FZD7: variants seen among roughly 807,000 people sequenced by gnomAD.
The protein encoded by FZD7 is frizzled-7.
FZD7 carries 21 observed loss-of-function variants against 39.0 expected under a neutral mutation model. The ratio of observed to expected loss-of-function variants is 0.54; its 90% CI spans 0.38 to 0.78. The LOEUF (loss-of-function observed/expected upper bound fraction) is 0.78, where lower values mean the gene tolerates loss of function less well. Ranked by LOEUF, FZD7 falls within the 30% of genes least tolerant of loss-of-function variation. FZD7 has a pLI of 0.00. For missense variants in FZD7, 695 were observed against 805.0 expected (o/e 0.86, Z 1.65); for synonymous variants, 428 against 364.9 (o/e 1.17, Z -1.97).
At position 202,033,991 on chromosome 2, in the gene FZD7, G is replaced by A. The variant is rs1044385903; in HGVS notation, c.-657G>A. On this transcript the variant is annotated 5_prime_UTR_variant, in exon 1 of 1. The change creates a new upstream start codon in the 5' untranslated region. Transcript: ENST00000286201. The stretch of plus-strand genomic sequence containing the variant: ...CGAGCGCCTCGCGGTTTCGGACGCA[G>A]TGTGACTGGGTTTCCAAAAAGAACT... Among the ~76,000 whole-genome samples, 3 of 151,716 alleles carry A rather than the reference G, an allele frequency of 2.0e-5. No homozygotes were observed. The highest frequency in any genetic ancestry group is 1.3e-4 in the Admixed American group (2 of 15,232).
At position 202,035,555 on chromosome 2, in the gene FZD7, A is replaced by T; in HGVS notation, c.908A>T (p.His303Leu). 6.2e-7 allele frequency: 1 copy of T among 1,614,088 alleles called. No individual in the cohort carries two copies. The change falls in exon 1 of 1, where the codon CAC becomes CTC. Residue 303 changes from histidine (H) to leucine (L), a missense_variant. His to Leu is a moderately conservative substitution (Grantham distance 99). Transcript: ENST00000286201. ...TGCTACTTCATGGTGGCCGTGGCGC[A>T]CGTGGCCGGCTTCCTTCTAGAGGAC... ...SGCYFMVAVA[H>L]VAGFLLEDRA... is the part of the protein sequence containing the mutation.
rs768846215 is a variant in FZD7, at chr2:202,035,547, C to G, written c.900C>G (p.Ala300=). The G allele has an allele frequency of 5.0e-6, 8 of 1,614,030 alleles. No individual in the cohort carries two copies. The South Asian group carries it at 5.5e-5, about 11-fold the overall frequency. ...TGTCGGGCTGCTACTTCATGGTGGCCGTGGCGCACGTGGCCGGCTTCCTTC... is the reference window on the plus strand; with the variant it reads ...TGTCGGGCTGCTACTTCATGGTGGCGGTGGCGCACGTGGCCGGCTTCCTTC... The part of the protein sequence containing the change: ...IFLSGCYFMV[A]VAHVAGFLLE... Residue 300 remains alanine, a synonymous_variant, in exon 1 of 1, where the codon GCC becomes GCG. Coordinates refer to ENST00000286201, the MANE Select transcript of FZD7 (RefSeq NM_003507.2).
In FZD7 at chr2:202,036,412, G is replaced by C; in HGVS notation, c.*40G>C. The C allele has an allele frequency of 6.7e-7, 1 of 1,496,412 alleles. No individual in the cohort carries two copies. The highest frequency in any genetic ancestry group is 9.2e-7 in the Non-Finnish European group (1 of 1,091,900). The allele number at this position is 1,496,412 out of a possible 1,614,324, so 92.7% of individuals were successfully genotyped here. On this transcript the variant is annotated 3_prime_UTR_variant, in exon 1 of 1. Coordinates refer to ENST00000286201, the MANE Select transcript of FZD7 (RefSeq NM_003507.2). ...CCACCTTTCCCACCCCAGCCCTCTTGCAAGAGGAGAGGCACGGTAGGGAAA... is the reference window on the plus strand; with the variant it reads ...CCACCTTTCCCACCCCAGCCCTCTTCCAAGAGGAGAGGCACGGTAGGGAAA...
Position 202,034,547 on chromosome 2 carries a change from C to A in FZD7, c.-101C>A. ...GCCCGGCCCCGGCGCCGTGAGGACTCTCATGCGTCGGGCGCGGCGGCGCCT... is the reference window on the plus strand; with the variant it reads ...GCCCGGCCCCGGCGCCGTGAGGACTATCATGCGTCGGGCGCGGCGGCGCCT... On this transcript the variant is annotated 5_prime_UTR_variant, in exon 1 of 1. Transcript: ENST00000286201. 1.9e-6 allele frequency: 2 copies of A among 1,069,348 alleles called. No individual in the cohort carries two copies. The highest frequency in any genetic ancestry group is 2.6e-6 in the Non-Finnish European group (2 of 765,236). 66.2% of individuals were successfully genotyped at this position (1,069,348 alleles called of 1,614,324 possible).
At position 202,034,355 on chromosome 2, in the gene FZD7, C is replaced by A. The variant is rs1393193395; in HGVS notation, c.-293C>A. Among the ~76,000 whole-genome samples, 1 of 151,724 alleles carries A rather than the reference C, an allele frequency of 6.6e-6. No individual in the cohort carries two copies. Among genetic ancestry groups the A allele is most frequent in the Non-Finnish European group, 1.5e-5 (1 of 67,890 alleles). ...CTCCTCGCGGCGGAGGGAGCCGCAC[C>A]GTTACGTCCCCGCGGGGAGAGCGAG... On this transcript the variant is annotated 5_prime_UTR_variant, in exon 1 of 1. Coordinates refer to ENST00000286201, the MANE Select transcript of FZD7 (RefSeq NM_003507.2).
rs769422485 is a variant in FZD7, at chr2:202,035,097, C to T, written c.450C>T (p.Asn150=). Residue 150 remains asparagine, a synonymous_variant, in exon 1 of 1, where the codon AAC becomes AAT. Transcript: ENST00000286201. ...GGCCCGAGCGGCTGCGCTGCGAGAA[C>T]TTCCCGGTGCACGGTGCGGGCGAGA... ...FQWPERLRCE[N]FPVHGAGEIC... is the part of the protein sequence containing the mutation. 7.5e-6 allele frequency: 12 copies of T among 1,609,156 alleles called. No individual in the cohort carries two copies. In the East Asian group the frequency reaches 1.6e-4, roughly 21 times the overall value.
chr2:202,035,373 G>A lies in FZD7; in HGVS notation c.726G>A (p.Leu242=). 6.2e-6 allele frequency: 10 copies of A among 1,613,144 alleles called. No individual in the cohort carries two copies. Among genetic ancestry groups the A allele is most frequent in the Non-Finnish European group, 8.5e-6 (10 of 1,179,970 alleles). ...APCEPGRANG[L]MYFKEEERRF... Reference sequence around the variant, plus strand: ...GCGAACCGGGCCGTGCCAACGGCCTGATGTACTTTAAGGAGGAGGAGAGGC... The same window carrying A: ...GCGAACCGGGCCGTGCCAACGGCCTAATGTACTTTAAGGAGGAGGAGAGGC... Residue 242 remains leucine (L), a synonymous_variant, in exon 1 of 1, where the codon CTG becomes CTA. Coordinates refer to ENST00000286201, the MANE Select transcript of FZD7 (RefSeq NM_003507.2).
At position 202,036,457 on chromosome 2, in the gene FZD7, C is replaced by G. The variant is rs1574986303; in HGVS notation, c.*85C>G. The G allele has an allele frequency of 1.9e-6, 2 of 1,067,362 alleles. No homozygotes were observed. Among genetic ancestry groups the G allele is most frequent in the Non-Finnish European group, 2.7e-6 (2 of 734,404 alleles). 66.1% of individuals were successfully genotyped at this position (1,067,362 alleles called of 1,614,324 possible). A position where few individuals can be genotyped will look rare whatever the true frequency, so the allele number is the denominator to read the frequency against. On this transcript the variant is annotated 3_prime_UTR_variant, in exon 1 of 1. Transcript: ENST00000286201. ...GGGAAAAGAACTGCTGGGTGGGGGC[C>G]TGTTTCTGTAACTTTCTCCCCCTCT...
At position 202,033,984 on chromosome 2, in the gene FZD7, G is replaced by A. The variant is rs942128377; in HGVS notation, c.-664G>A. 6.6e-6 allele frequency among the ~76,000 whole-genome samples: 1 copy of A among 151,678 alleles called. No individual in the cohort carries two copies. Among genetic ancestry groups the A allele is most frequent in the Admixed American group, 6.6e-5 (1 of 15,222 alleles). ...GCGGGCACGAGCGCCTCGCGGTTTC[G>A]GACGCAGTGTGACTGGGTTTCCAAA... On this transcript the variant is annotated 5_prime_UTR_variant, in exon 1 of 1. Transcript: ENST00000286201.
Position 202,035,520 on chromosome 2 carries a change from C to T in FZD7, c.873C>T (p.Phe291=), listed in dbSNP as rs769495313. The T allele has an allele frequency of 1.9e-6, 3 of 1,614,198 alleles. No homozygotes were observed. The highest frequency in any genetic ancestry group is 1.7e-5 in the Admixed American group (1 of 60,036). The change falls in exon 1 of 1, where the codon TTC becomes TTT. Residue 291 remains phenylalanine (F), a synonymous_variant. Coordinates refer to ENST00000286201, the MANE Select transcript of FZD7 (RefSeq NM_003507.2). Reference sequence around the variant, plus strand: ...GCTACCCAGAGCGGCCCATCATCTTCCTGTCGGGCTGCTACTTCATGGTGG... The same window carrying T: ...GCTACCCAGAGCGGCCCATCATCTTTCTGTCGGGCTGCTACTTCATGGTGG... ...RFSYPERPII[F]LSGCYFMVAV...
rs754845922 is a variant in FZD7 at position 202,035,797 on chromosome 2, G to T, written c.1150G>T (p.Ala384Ser). 5 of 1,613,980 alleles carry T rather than the reference G, an allele frequency of 3.1e-6. No homozygotes were observed. The African/African-American group carries it at 6.7e-5, about 22-fold the overall frequency. Residue 384 changes from alanine (A) to serine (S), a missense_variant, in exon 1 of 1, where the codon GCC (alanine) becomes TCC (serine). Coordinates refer to ENST00000286201, the MANE Select transcript of FZD7 (RefSeq NM_003507.2). ...IEANSQYFHL[A>S]AWAVPAVKTI... ...GGCCAACTCGCAGTACTTCCACCTG[G>T]CCGCGTGGGCCGTGCCCGCCGTCAA...
chr2:202,038,283 A>G lies in FZD7; in HGVS notation c.*1911A>G, dbSNP rs982069421. ...TGCATGTGAAATTTGTAAAATAGAG[A>G]TAAGTACAGTATGTATATTTTGTAA... is the stretch of plus-strand genomic sequence containing the variant. On this transcript the variant is annotated 3_prime_UTR_variant, in exon 1 of 1. Transcript: ENST00000286201. The G allele has an allele frequency of 1.5e-4, 25 of 167,098 alleles. No individual in the cohort carries two copies. The highest frequency in any genetic ancestry group is 3.7e-4 in the Non-Finnish European group (25 of 68,122). The allele number at this position is 167,098 out of a possible 1,614,324, so 10.4% of individuals were successfully genotyped here.
rs1428505764 is a variant in FZD7, at chr2:202,034,995, C to T, written c.348C>T (p.Ala116=). 6 of 1,613,720 alleles carry T rather than the reference C, an allele frequency of 3.7e-6. No individual in the cohort carries two copies. Among genetic ancestry groups the T allele is most frequent in the South Asian group, 1.1e-5 (1 of 91,086 alleles). ...CCGTGTGCACCGTGCTCGATCAGGC[C>T]ATCCCGCCGTGTCGTTCTCTGTGCG... is the stretch of plus-strand genomic sequence containing the variant. The part of the protein sequence containing the change: ...YAPVCTVLDQ[A]IPPCRSLCER... The change falls in exon 1 of 1, where the codon GCC becomes GCT. Residue 116 remains alanine, a synonymous_variant. Coordinates refer to ENST00000286201, the MANE Select transcript of FZD7 (RefSeq NM_003507.2).
Position 202,035,741 on chromosome 2 carries a change from C to G in FZD7, c.1094C>G (p.Ala365Gly). 1 of 1,614,024 alleles carries G rather than the reference C, an allele frequency of 6.2e-7. No homozygotes were observed. ...CTGTCTCTCACTTGGTTCCTGGCGG[C>G]CGGCATGAAGTGGGGCCACGAGGCC... ...VILSLTWFLA[A>G]GMKWGHEAIE... Residue 365 changes from alanine to glycine, a missense_variant, in exon 1 of 1, where the codon GCC becomes GGC. Ala to Gly is a moderately conservative substitution (Grantham distance 60, BLOSUM62 0). Transcript: ENST00000286201.
In FZD7 at chr2:202,035,250, G is replaced by C; in HGVS notation, c.603G>C (p.Arg201Ser). 1 of 1,601,724 alleles carries C rather than the reference G, an allele frequency of 6.2e-7. No homozygotes were observed. The highest frequency in any genetic ancestry group is 8.5e-7 in the Non-Finnish European group (1 of 1,179,164). The change falls in exon 1 of 1, where the codon AGG (arginine) becomes AGC (serine). Residue 201 changes from arginine (R) to serine (S), a missense_variant. Physicochemically the swap from Arg to Ser is moderately radical, Grantham distance 110. Coordinates refer to ENST00000286201, the MANE Select transcript of FZD7 (RefSeq NM_003507.2). ...TALPPGASDG[R>S]GRPAFPFSCP... ...TGCCCCCGGGGGCCTCAGATGGCAG[G>C]GGGCGTCCCGCCTTCCCCTTCTCAT...
chr2:202,036,347 G>A lies in FZD7; in HGVS notation c.1700G>A (p.Ser567Asn). 6.2e-7 allele frequency: 1 copy of A among 1,612,442 alleles called. No individual in the cohort carries two copies. The highest frequency in any genetic ancestry group is 1.1e-5 in the South Asian group (1 of 91,044). The change falls in exon 1 of 1, where the codon AGC becomes AAC. Residue 567 changes from serine to asparagine, a missense_variant. Ser to Asn is a conservative substitution (Grantham distance 46, BLOSUM62 1). Transcript: ENST00000286201. ...WRRFYHRLSH[S>N]SKGETAV is the part of the protein sequence containing the mutation. The stretch of plus-strand genomic sequence containing the variant: ...CGCTTCTACCACAGACTTAGCCACA[G>A]CAGCAAGGGGGAGACTGCGGTATGA...
Position 202,034,263 on chromosome 2 carries a change from C to T in FZD7, c.-385C>T, listed in dbSNP as rs374795954. Among the ~76,000 whole-genome samples the T allele has an allele frequency of 5.3e-5, 8 of 151,858 alleles. No individual in the cohort carries two copies. In the East Asian group the frequency reaches 9.7e-4, roughly 18 times the overall value. On this transcript the variant is annotated 5_prime_UTR_variant, in exon 1 of 1. Coordinates refer to ENST00000286201, the MANE Select transcript of FZD7 (RefSeq NM_003507.2). Reference sequence around the variant, plus strand: ...GACCGGACCAGGCGCGGGGGGCGTGCGCGCTGCGGTGCGCCGGGGGTCCAG... The same window carrying T: ...GACCGGACCAGGCGCGGGGGGCGTGTGCGCTGCGGTGCGCCGGGGGTCCAG...
chr2:202,036,431 AG>A lies in FZD7; in HGVS notation c.*62del. The A allele has an allele frequency of 7.4e-7, 1 of 1,349,476 alleles. No homozygotes were observed. Among genetic ancestry groups the A allele is most frequent in the Non-Finnish European group, 1.0e-6 (1 of 967,752 alleles). The allele number at this position is 1,349,476 out of a possible 1,614,324, so 83.6% of individuals were successfully genotyped here. On this transcript the variant is annotated 3_prime_UTR_variant, in exon 1 of 1. Transcript: ENST00000286201. The stretch of plus-strand genomic sequence containing the variant: ...CCTCTTGCAAGAGGAGAGGCACGGT[AG>A]GGAAAAGAACTGCTGGGTGGGGGCC...
Position 202,034,106 on chromosome 2 carries a change from AAGGAGCGGGGTGTGGAGG to A in FZD7, c.-536_-519del, listed in dbSNP as rs1227151188. Among the ~76,000 whole-genome samples, 4 of 151,558 alleles carry A rather than the reference AAGGAGCGGGGTGTGGAGG, an allele frequency of 2.6e-5. No homozygotes were observed. Among genetic ancestry groups the A allele is most frequent in the Non-Finnish European group, 5.9e-5 (4 of 67,866 alleles). The stretch of plus-strand genomic sequence containing the variant: ...TGGGGCCGAGCTTTTGGGGCTGAAG[AAGGAGCGGGGTGTGGAGG>A]AGGAGGCGAAGGAGGCGGCGACGAG... On this transcript the variant is annotated 5_prime_UTR_variant, in exon 1 of 1. Transcript: ENST00000286201.
Sources: gnomAD v4.1 joint callset for allele counts (sites outside exome capture counted in the v4.1 genomes callset) on GRCh38, gnomAD v4.1.1 for gene constraint, MANE v1.5 for transcripts, NCBI Gene and HGNC (gene_info 2026-07-23, HGNC 2026-07-21) for gene names.